The following IL34 variants were observed in gnomAD, a reference collection of about 807,000 sequenced individuals.
IL34 encodes interleukin-34.
In IL34, 17 loss-of-function variants were observed where a neutral mutation model predicts 25.3. The observed-to-expected ratio is 0.67, with a 90% CI of 0.46 to 1.01. IL34 has a LOEUF of 1.01. Ranked by LOEUF, IL34 falls within the 50% of genes least tolerant of loss-of-function variation. The probability of loss-of-function intolerance (pLI) is 0.00; values close to 1 mark genes in which losing one functional copy is unlikely to be tolerated. For missense variants in IL34, 368 were observed against 312.9 expected (o/e 1.18, Z -1.33); for synonymous variants, 174 against 140.9 (o/e 1.23, Z -1.66).
At chr16:70,609,847 A>G (rs965128968) in intron 1 of IL34, among the ~76,000 whole-genome samples, 2 of 152,172 alleles carry the variant, frequency 1.3e-5, no homozygotes, top group Non-Finnish European at 2.9e-5. Flanking sequence ...AGAAACTCAG[A>G]TCTATAGCTA....
chr16:70,603,248 A>G (rs928364059), intron 1 of IL34, among the ~76,000 whole-genome samples: 23 of 152,182 alleles, frequency 1.5e-4, no homozygotes, highest in African/African-American at 5.3e-4. Context: ...TTTAGATACA[A>G]CATAATAAAT....
chr16:70,635,250 C>T (rs1457921920), intron 1 of IL34, among the ~76,000 whole-genome samples: 3 of 151,952 alleles, frequency 2.0e-5, no homozygotes, highest in Admixed American at 6.6e-5. Flanking sequence ...AGAACTCAAA[C>T]AGTGATTTTC....
chr16:70,584,245 G>A (rs564538713), intron 1 of IL34, among the ~76,000 whole-genome samples: 1 of 152,298 alleles, frequency 6.6e-6, no homozygotes, highest in East Asian at 1.9e-4. Flanking sequence ...TCATAAGTAA[G>A]GGGCAGTGTC....
intron 1 of IL34, among the ~76,000 whole-genome samples, chr16:70,617,423 A>G (rs140775781): frequency 0.017 from 2,583 of 152,280 alleles, 72 homozygotes; most frequent in African/African-American, 0.058. Flanking sequence ...CAGGGCATGT[A>G]TGAGTAGTTG....
At chr16:70,636,585 T>TCACACACACACACA (rs34816911) in intron 1 of IL34, among the ~76,000 whole-genome samples, 125 of 136,478 alleles carry the variant, frequency 9.2e-4, no homozygotes, top group African/African-American at 1.7e-3. Context: ...GCAAACCCTG[T>TCACACACACACACA]CACACACACA....
At chr16:70,610,070 C>T (rs1406051649) in intron 1 of IL34, among the ~76,000 whole-genome samples, 2 of 152,060 alleles carry the variant, frequency 1.3e-5, no homozygotes, top group African/African-American at 2.4e-5. Flanking sequence ...GGTGTGGTGG[C>T]GGGCGCCTGT....
In IL34 at chr16:70,660,144, C is replaced by T. The variant is rs773778670; in HGVS notation, c.686C>T (p.Ser229Leu). 4.3e-5 allele frequency: 69 copies of T among 1,608,416 alleles called. No homozygotes were observed. Among genetic ancestry groups the T allele is most frequent in the Admixed American group, 8.5e-5 (5 of 59,012 alleles). The change falls in exon 6 of 6, where the codon TCG becomes TTG. Residue 229 changes from serine to leucine, a missense_variant. Ser to Leu is a moderately radical substitution (Grantham distance 145). Transcript: ENST00000288098. Reference sequence around the variant, plus strand: ...AGCTCCCCGCCTCACTCCACGGGCTCGGTGAGGCCGGTCAGGGCACAGGGC... The same window carrying T: ...AGCTCCCCGCCTCACTCCACGGGCTTGGTGAGGCCGGTCAGGGCACAGGGC... ...SPSSPPHSTGSVRPVRAQGEG... is the reference protein window; with the variant it reads ...SPSSPPHSTGLVRPVRAQGEG...
intron 1 of IL34, among the ~76,000 whole-genome samples, chr16:70,614,183 C>CAAA (rs35356831): frequency 0.34 from 44,759 of 130,428 alleles, 8,004 homozygotes; most frequent in South Asian, 0.58. Flanking sequence ...AACCCTGTCT[C>CAAA]AAAAAAAAAA....
intron 1 of IL34, among the ~76,000 whole-genome samples, chr16:70,589,779 C>A (rs1481503457): frequency 1.3e-5 from 2 of 152,062 alleles, no homozygotes; most frequent in Non-Finnish European, 2.9e-5. Context: ...CCCGCCACCA[C>A]GCCCAGCTAT....
chr16:70,599,502 G>A (rs1026974753), intron 1 of IL34, among the ~76,000 whole-genome samples: 2 of 151,020 alleles, frequency 1.3e-5, no homozygotes, highest in South Asian at 2.1e-4. Context: ...GACTACAGGC[G>A]TGTGCCAACA....
chr16:70,635,864 G>A (rs937768802), intron 1 of IL34, among the ~76,000 whole-genome samples: 3 of 152,158 alleles, frequency 2.0e-5, no homozygotes, highest in Non-Finnish European at 4.4e-5. Context: ...TAAGTTTTCT[G>A]TATATAGAAA....
At chr16:70,627,344 G>A (rs1442705797) in intron 1 of IL34, among the ~76,000 whole-genome samples, 1 of 152,040 alleles carries the variant, frequency 6.6e-6, no homozygotes, top group South Asian at 2.1e-4. Context: ...ACACACCCTT[G>A]CAACTATTAC....
chr16:70,632,381 A>G (rs1437170943), intron 1 of IL34, among the ~76,000 whole-genome samples: 1 of 152,210 alleles, frequency 6.6e-6, no homozygotes, highest in African/African-American at 2.4e-5. Context: ...ACCATGAAGC[A>G]AAATAATGAA....
At chr16:70,654,203 G>C (rs1417847727) in intron 1 of IL34, 1 of 215,190 alleles carries the variant, frequency 4.6e-6, no homozygotes, top group Non-Finnish European at 9.2e-6. Flanking sequence ...GACACCAGGG[G>C]CAGAGGCTGT....
chr16:70,580,517 C>T (rs111646387), intron 1 of IL34, among the ~76,000 whole-genome samples: 1,786 of 152,328 alleles, frequency 0.012, 42 homozygotes, highest in African/African-American at 0.041. Context: ...CAGTGGCTCA[C>T]GCCTGTAATC....
At chr16:70,612,739 A>G (rs2051109323) in intron 1 of IL34, among the ~76,000 whole-genome samples, 1 of 126,576 alleles carries the variant, frequency 7.9e-6, no homozygotes, top group African/African-American at 5.7e-5. Flanking sequence ...CAGCTTCCCC[A>G]AGATCAGCTT....
intron 1 of IL34, among the ~76,000 whole-genome samples, chr16:70,598,431 C>T (rs1273337607): frequency 6.6e-6 from 1 of 151,830 alleles, no homozygotes; most frequent in Non-Finnish European, 1.5e-5. Flanking sequence ...CTTCTGTCAA[C>T]TAAAGAAAAA....
chr16:70,652,473 G>GA (rs2052105050), intron 1 of IL34, among the ~76,000 whole-genome samples: 1 of 152,102 alleles, frequency 6.6e-6, no homozygotes, highest in African/African-American at 2.4e-5. Context: ...AGAAAAACAT[G>GA]AAAAAATCTC....
intron 1 of IL34, among the ~76,000 whole-genome samples, chr16:70,625,407 G>T (rs1423876726): frequency 6.6e-6 from 1 of 152,096 alleles, no homozygotes; most frequent in Admixed American, 6.6e-5. Context: ...AGGGATTGGG[G>T]GTTCTTGCCC....
Sources: gnomAD v4.1 joint callset for allele counts (sites outside exome capture counted in the v4.1 genomes callset) on GRCh38, gnomAD v4.1.1 for gene constraint, MANE v1.5 for transcripts, NCBI Gene and HGNC (gene_info 2026-07-23, HGNC 2026-07-21) for gene names.